HCN1: variants seen among roughly 807,000 people sequenced by gnomAD.
HCN1 encodes the protein hyperpolarization activated cyclic nucleotide gated potassium channel 1.
HCN1 carries 13 observed loss-of-function variants against 78.9 expected under a neutral mutation model. The ratio of observed to expected loss-of-function variants is 0.16; its 90% CI spans 0.11 to 0.26. The LOEUF is 0.26. Ranked by LOEUF, HCN1 falls within the 10% of genes least tolerant of loss-of-function variation. HCN1 has a pLI of 1.00. For missense variants in HCN1, 810 were observed against 1,154.3 expected, an observed-to-expected ratio of 0.70 and a Z score of 4.32; for synonymous variants, 552 against 455.5, an observed-to-expected ratio of 1.21 and a Z score of -2.70.
intron 3 of HCN1, among the ~76,000 whole-genome samples, chr5:45,429,064 C>A (rs1381906835): frequency 6.6e-6 from 1 of 152,060 alleles, no homozygotes; most frequent in Non-Finnish European, 1.5e-5. Context: ...ATTTAGCCCT[C>A]AAAATAACCT....
chr5:45,308,014 G>T (rs1000254324), intron 5 of HCN1, among the ~76,000 whole-genome samples: 1 of 152,094 alleles, frequency 6.6e-6, no homozygotes. Flanking sequence ...GTGCATGGGA[G>T]GAGGTGTTTC....
chr5:45,557,151 C>G (rs1220580231), intron 2 of HCN1, among the ~76,000 whole-genome samples: 2 of 152,054 alleles, frequency 1.3e-5, no homozygotes, highest in Non-Finnish European at 2.9e-5. Context: ...CTTCCCAATT[C>G]CTCCCAAAGC....
intron 5 of HCN1, among the ~76,000 whole-genome samples, chr5:45,317,921 G>A (rs1032980404): frequency 6.6e-6 from 1 of 152,172 alleles, no homozygotes; most frequent in African/African-American, 2.4e-5. Flanking sequence ...AACAACAGGT[G>A]CTGGAGAGTA....
chr5:45,402,233 A>G (rs960037854), intron 3 of HCN1, among the ~76,000 whole-genome samples: 15 of 152,184 alleles, frequency 9.9e-5, no homozygotes, highest in Admixed American at 7.2e-4. Flanking sequence ...ACAAAACGGG[A>G]AGCCAATGAA....
At chr5:45,387,098 T>G (rs1444229080) in intron 4 of HCN1, among the ~76,000 whole-genome samples, 1 of 151,876 alleles carries the variant, frequency 6.6e-6, no homozygotes, top group Non-Finnish European at 1.5e-5. Context: ...AATACTGGTA[T>G]AGTCAGAAAA....
At chr5:45,474,857 C>T (rs182885700) in intron 2 of HCN1, among the ~76,000 whole-genome samples, 122 of 151,400 alleles carry the variant, frequency 8.1e-4, no homozygotes, top group Middle Eastern at 3.4e-3. Context: ...TTATTTAGAA[C>T]GAGAATAAAA....
At chr5:45,374,822 A>G (rs1180604451) in intron 4 of HCN1, among the ~76,000 whole-genome samples, 1 of 147,670 alleles carries the variant, frequency 6.8e-6, no homozygotes, top group African/African-American at 2.5e-5. Context: ...ATATATGTAG[A>G]TAGATAGATA....
intron 5 of HCN1, among the ~76,000 whole-genome samples, chr5:45,304,518 A>G (rs1228321287): frequency 4.6e-5 from 7 of 152,038 alleles, no homozygotes; most frequent in African/African-American, 1.7e-4. Flanking sequence ...TCTACTAAAA[A>G]TACAAAAATT....
At chr5:45,661,148 T>A (rs1199527724) in intron 1 of HCN1, among the ~76,000 whole-genome samples, 1 of 147,062 alleles carries the variant, frequency 6.8e-6, no homozygotes, top group African/African-American at 2.5e-5. Context: ...GGATTAAGAA[T>A]CTCACTCAAA....
chr5:45,501,910 A>G (rs904771866), intron 2 of HCN1, among the ~76,000 whole-genome samples: 6 of 152,140 alleles, frequency 3.9e-5, no homozygotes, highest in Non-Finnish European at 5.9e-5. Flanking sequence ...CTTCTTCTCC[A>G]TGTTGTTTGG....
chr5:45,408,341 C>G (rs1739965304), intron 3 of HCN1, among the ~76,000 whole-genome samples: 1 of 152,102 alleles, frequency 6.6e-6, no homozygotes, highest in African/African-American at 2.4e-5. Flanking sequence ...CATCTTTTAT[C>G]TTTCACACTG....
chr5:45,695,368 C>T (rs1739986091), intron 1 of HCN1, among the ~76,000 whole-genome samples: 1 of 152,178 alleles, frequency 6.6e-6, no homozygotes, highest in Non-Finnish European at 1.5e-5. Context: ...ACAACTTCGC[C>T]TCCTCCCAGG....
intron 6 of HCN1, among the ~76,000 whole-genome samples, chr5:45,287,997 G>T (rs965054259): frequency 1.3e-5 from 2 of 151,978 alleles, no homozygotes; most frequent in Non-Finnish European, 2.9e-5. Flanking sequence ...ACCCTAGTGA[G>T]GTAGGAATTA....
chr5:45,348,403 T>C lies in HCN1; in HGVS notation c.1377+4697A>G, dbSNP rs1009444910. On this transcript the variant is annotated intron_variant, in intron 5 of 7. Transcript: ENST00000303230. Reference sequence around the variant, plus strand: ...GAAAGGAACGACCGGTACCAGCCACTGAAAAATCACACCAAATTGCAAAGG... The same window carrying C: ...GAAAGGAACGACCGGTACCAGCCACCGAAAAATCACACCAAATTGCAAAGG... Among the ~76,000 whole-genome samples, 5 of 152,260 alleles carry C rather than the reference T, an allele frequency of 3.3e-5. No individual in the cohort carries two copies. In the South Asian group the frequency reaches 8.3e-4, roughly 25 times the overall value.
chr5:45,494,300 G>T (rs1212085464), intron 2 of HCN1, among the ~76,000 whole-genome samples: 1 of 152,094 alleles, frequency 6.6e-6, no homozygotes, highest in Non-Finnish European at 1.5e-5. Context: ...ATTCTAACTG[G>T]TATGAGATGG....
intron 2 of HCN1, among the ~76,000 whole-genome samples, chr5:45,556,175 A>G (rs1743465398): frequency 6.6e-6 from 1 of 151,932 alleles, no homozygotes; most frequent in Non-Finnish European, 1.5e-5. Flanking sequence ...AATACCCCAT[A>G]AGCACAAGCA....
rs76063143 is a variant in HCN1, at chr5:45,484,942, G to A, written c.850-22935C>T. On this transcript the variant is annotated intron_variant, in intron 2 of 7. Transcript: ENST00000303230. ...AGAAAGAAAAGCAGCTCTGAAGGCCGGAACACCTGTGATATATAGGGCACA... is the reference window on the plus strand; with the variant it reads ...AGAAAGAAAAGCAGCTCTGAAGGCCAGAACACCTGTGATATATAGGGCACA... Among the ~76,000 whole-genome samples, 724 of 152,172 alleles carry A rather than the reference G, an allele frequency of 4.8e-3. 5 individuals carry two copies. The highest frequency in any genetic ancestry group is 0.016 in the African/African-American group (646 of 41,524).
intron 5 of HCN1, among the ~76,000 whole-genome samples, chr5:45,335,858 C>A (rs1746443035): frequency 6.6e-6 from 1 of 152,032 alleles, no homozygotes; most frequent in Non-Finnish European, 1.5e-5. Flanking sequence ...AAGAAAATAG[C>A]TCAGAGTTGA....
intron 4 of HCN1, among the ~76,000 whole-genome samples, chr5:45,370,271 T>TA (rs146914443): frequency 2.0e-5 from 3 of 152,102 alleles, no homozygotes; most frequent in East Asian, 1.9e-4. Flanking sequence ...TAAAACAAGT[T>TA]AAAAAAACCT....
Sources: allele counts gnomAD v4.1 joint callset (sites outside exome capture counted in the v4.1 genomes callset), GRCh38; gene constraint gnomAD v4.1.1; transcripts MANE v1.5; gene names NCBI Gene and HGNC (gene_info 2026-07-23, HGNC 2026-07-21).